VGLL4: variants seen among roughly 807,000 people sequenced by gnomAD.
The protein encoded by VGLL4 is vestigial like family member 4.
VGLL4 carries 7 observed loss-of-function variants against 21.0 expected under a neutral mutation model. That is an observed-to-expected ratio of 0.33 (90% CI 0.19 to 0.63). The LOEUF (loss-of-function observed/expected upper bound fraction) is 0.63. Among genes scored for constraint, VGLL4 ranks in the 20% least tolerant of loss-of-function variants. VGLL4 has a pLI of 0.78. For missense variants in VGLL4, 394 were observed against 425.7 expected (o/e 0.93, Z 0.66); for synonymous variants, 222 against 173.2 (o/e 1.28, Z -2.21).
rs527795176 is a variant in VGLL4 at position 11,711,531 on chromosome 3, C to G, written c.-13-8484G>C. The stretch of plus-strand genomic sequence containing the variant: ...GCAGTGAGCCGAGGTTGCGCCACTG[C>G]ACCCTAGCCTGGGCTCCATCTCAAA... On this transcript the variant is annotated intron_variant, in intron 1 of 5. Coordinates refer to the VGLL4 transcript ENST00000273038. Among the ~76,000 whole-genome samples the G allele has an allele frequency of 2.0e-5, 3 of 151,374 alleles. No homozygotes were observed. In the East Asian group the frequency reaches 5.9e-4, roughly 30 times the overall value.
intron 2 of VGLL4, chr3:11,582,168 C>G: frequency 8.2e-7 from 1 of 1,225,918 alleles, no homozygotes; most frequent in Non-Finnish European, 1.2e-6. Flanking sequence ...ACTACTCTAC[C>G]TCTCCCAGCA....
intron 1 of VGLL4, among the ~76,000 whole-genome samples, chr3:11,642,034 AAAC>A (rs796100962): frequency 6.6e-6 from 1 of 151,864 alleles, no homozygotes; most frequent in South Asian, 2.1e-4. Context: ...AAAAAAAAAA[AAAC>A]AAGAAAAACA....
intron 1 of VGLL4, among the ~76,000 whole-genome samples, chr3:11,638,504 A>T (rs2125326051): frequency 6.6e-6 from 1 of 152,122 alleles, no homozygotes; most frequent in Non-Finnish European, 1.5e-5. Context: ...TTACTAACCA[A>T]GCTCCTCCTA....
rs138533672 is a variant in VGLL4, at chr3:11,604,666, G to C, written c.83-2644C>G. On this transcript the variant is annotated intron_variant, in intron 1 of 4. Transcript: ENST00000430365. ...TTGACTCCTCCTTTATTTAGGATGG[G>C]GTGAATTTGGGCACGTGCTTCCCCT... 7.5e-4 allele frequency: 408 copies of C among 544,864 alleles called. 30 individuals are homozygous for C. In the African/African-American group the frequency reaches 8.2e-3, roughly 11 times the overall value. 33.8% of individuals were successfully genotyped at this position (544,864 alleles called of 1,614,324 possible).
chr3:11,658,288 C>T (rs944927862), intron 2 of VGLL4, among the ~76,000 whole-genome samples: 4 of 151,706 alleles, frequency 2.6e-5, no homozygotes, highest in African/African-American at 9.7e-5. Context: ...TGCACCTGCA[C>T]GTTCAGGACT....
At chr3:11,635,633 G>C (rs1212815291) in intron 1 of VGLL4, among the ~76,000 whole-genome samples, 1 of 152,152 alleles carries the variant, frequency 6.6e-6, no homozygotes, top group Admixed American at 6.5e-5. Context: ...GTGAGTTCTG[G>C]AACTTTACCT....
At chr3:11,626,594 T>C (rs1350958042) in intron 1 of VGLL4, 4 of 312,882 alleles carry the variant, frequency 1.3e-5, no homozygotes, top group East Asian at 7.7e-5. Context: ...CTAAGAGCTA[T>C]GGTTATCCCA....
At chr3:11,679,172 C>A (rs1342925553) in intron 2 of VGLL4, among the ~76,000 whole-genome samples, 2 of 152,240 alleles carry the variant, frequency 1.3e-5, no homozygotes, top group Non-Finnish European at 1.5e-5. Context: ...CCAGGCAGGT[C>A]CCTCAGGAGG....
chr3:11,609,217 T>C (rs936387881), intron 1 of VGLL4, among the ~76,000 whole-genome samples: 7 of 152,192 alleles, frequency 4.6e-5, no homozygotes, highest in African/African-American at 7.2e-5. Flanking sequence ...TTAGATCATC[T>C]TGACAGCCTC....
Position 11,561,858 on chromosome 3 carries a change from C to T in VGLL4, c.496-2403G>A, listed in dbSNP as rs149314612. The stretch of plus-strand genomic sequence containing the variant: ...AGAGGGCTCCCACCACCTCTCCTAT[C>T]TGAAAGCAACCCCCAAGGCTGGCTG... On this transcript the variant is annotated intron_variant, in intron 3 of 4. Coordinates refer to ENST00000430365, the MANE Select transcript of VGLL4 (RefSeq NM_001128219.3). Among the ~76,000 whole-genome samples the T allele has an allele frequency of 5.9e-4, 86 of 144,864 alleles. No individual in the cohort carries two copies. The South Asian group carries it at 0.012, about 20-fold the overall frequency.
rs144206110 is a variant in VGLL4, at chr3:11,632,800, AG to A, written c.82+10636del. Among the ~76,000 whole-genome samples the A allele has an allele frequency of 4.9e-3, 751 of 152,264 alleles. 6 individuals are homozygous for A. The highest frequency in any genetic ancestry group is 0.017 in the African/African-American group (701 of 41,544). On this transcript the variant is annotated intron_variant, in intron 1 of 4. Transcript: ENST00000430365. Reference sequence around the variant, plus strand: ...CCCTGCTAGAACATACACTCCATAAAGTCAGGGATCTTGCTGTCTGTTTTGC... The same window carrying A: ...CCCTGCTAGAACATACACTCCATAAATCAGGGATCTTGCTGTCTGTTTTGC...
intron 1 of VGLL4, among the ~76,000 whole-genome samples, chr3:11,632,093 C>A (rs1175084471): frequency 6.6e-6 from 1 of 152,122 alleles, no homozygotes; most frequent in African/African-American, 2.4e-5. Flanking sequence ...GCAGGCAGAT[C>A]GCCTGAGGTC....
At chr3:11,595,264 T>C (rs2125252521) in intron 2 of VGLL4, among the ~76,000 whole-genome samples, 1 of 152,116 alleles carries the variant, frequency 6.6e-6, no homozygotes, top group East Asian at 1.9e-4. Flanking sequence ...TGCAGAGAAA[T>C]GCAAATCAAA....
At chr3:11,718,270 A>C (rs1466272473) in intron 1 of VGLL4, among the ~76,000 whole-genome samples, 1 of 152,244 alleles carries the variant, frequency 6.6e-6, no homozygotes, top group Non-Finnish European at 1.5e-5. Flanking sequence ...CAGGAAATAC[A>C]AGAAAAAATT....
At chr3:11,570,544 A>G (rs2073735509) in intron 2 of VGLL4, among the ~76,000 whole-genome samples, 1 of 152,158 alleles carries the variant, frequency 6.6e-6, no homozygotes, top group Non-Finnish European at 1.5e-5. Context: ...GTGACCACAT[A>G]CCAGATGTTC....
intron 2 of VGLL4, among the ~76,000 whole-genome samples, chr3:11,686,384 T>G (rs557836047): frequency 6.6e-6 from 1 of 152,194 alleles, no homozygotes; most frequent in African/African-American, 2.4e-5. Flanking sequence ...TTGAGGATAT[T>G]ATGGTAAATG....
chr3:11,560,035 C>T (rs945361048), intron 3 of VGLL4, among the ~76,000 whole-genome samples: 12 of 152,074 alleles, frequency 7.9e-5, no homozygotes, highest in Non-Finnish European at 1.6e-4. Flanking sequence ...CTGCCCTGTG[C>T]ACAGCCTCAC....
chr3:11,638,123 G>A (rs976243803), intron 1 of VGLL4, among the ~76,000 whole-genome samples: 10 of 152,174 alleles, frequency 6.6e-5, no homozygotes, highest in Non-Finnish European at 1.3e-4. Flanking sequence ...CACAGTCAGG[G>A]AGAACTAAGC....
chr3:11,685,067 G>A (rs1015174779), intron 2 of VGLL4, among the ~76,000 whole-genome samples: 10 of 152,184 alleles, frequency 6.6e-5, no homozygotes, highest in South Asian at 2.1e-4. Context: ...CCACTTATAA[G>A]TGAGAATGTG....
Sources: gnomAD v4.1 joint callset for allele counts (sites outside exome capture counted in the v4.1 genomes callset) on GRCh38, gnomAD v4.1.1 for gene constraint, MANE v1.5 for transcripts, NCBI Gene and HGNC (gene_info 2026-07-23, HGNC 2026-07-21) for gene names.